Variants in KCNH1 observed in about 807,000 individuals in gnomAD.
The protein encoded by KCNH1 is potassium voltage-gated channel subfamily H member 1, also known as voltage-gated delayed rectifier potassium channel KCNH1.
KCNH1 carries 27 observed loss-of-function variants against 69.2 expected under a neutral mutation model. The observed-to-expected ratio is 0.39, with a 90% CI of 0.29 to 0.54. The LOEUF (loss-of-function observed/expected upper bound fraction) is 0.54. Ranked by LOEUF, KCNH1 falls within the 20% of genes least tolerant of loss-of-function variation. The probability of loss-of-function intolerance (pLI) is 0.68; values close to 1 mark genes in which losing one functional copy is unlikely to be tolerated. For synonymous variants in KCNH1, 456 were observed against 487.7 expected, an observed-to-expected ratio of 0.93 and a Z score of 0.86; for missense variants, 798 against 1,261.6, an observed-to-expected ratio of 0.63 and a Z score of 5.57.
At chr1:210,859,434 T>C in intron 7 of KCNH1, 1 of 1,608,662 alleles carries the variant, frequency 6.2e-7, no homozygotes, top group African/African-American at 1.3e-5. Flanking sequence ...CAGGGTTATC[T>C]TCATCATCAA....
chr1:211,026,936 T>C (rs748556770), intron 5 of KCNH1, among the ~76,000 whole-genome samples: 2 of 152,168 alleles, frequency 1.3e-5, no homozygotes, highest in Non-Finnish European at 2.9e-5. Flanking sequence ...TACCCCAACC[T>C]GGCAAAAGTG....
chr1:210,878,751 C>T, intron 7 of KCNH1, among the ~76,000 whole-genome samples: 1 of 151,638 alleles, frequency 6.6e-6, no homozygotes, highest in East Asian at 1.9e-4. Context: ...AAATTAAATG[C>T]AAAGTAAGCA....
intron 4 of KCNH1, among the ~76,000 whole-genome samples, chr1:211,085,924 T>A (rs997511834): frequency 2.0e-5 from 3 of 152,212 alleles, no homozygotes; most frequent in Non-Finnish European, 2.9e-5. Context: ...ATTTTCCGCA[T>A]GATTCATCAT....
chr1:210,975,358 G>T lies in KCNH1; in HGVS notation c.1032+43425C>A, dbSNP rs558989942. 5.9e-5 allele frequency among the ~76,000 whole-genome samples: 9 copies of T among 152,262 alleles called. No individual in the cohort carries two copies. The South Asian group carries it at 1.7e-3, about 28-fold the overall frequency. On this transcript the variant is annotated intron_variant, in intron 6 of 10. Transcript: ENST00000271751. Reference sequence around the variant, plus strand: ...ACCTGACTTCAAACTATGCTACAAGGCTACAGTAACCAAAACAGCATGGTA... The same window carrying T: ...ACCTGACTTCAAACTATGCTACAAGTCTACAGTAACCAAAACAGCATGGTA...
At chr1:210,700,959 A>C (rs1256531054) in intron 10 of KCNH1, among the ~76,000 whole-genome samples, 3 of 150,744 alleles carry the variant, frequency 2.0e-5, no homozygotes, top group Non-Finnish European at 4.4e-5. Flanking sequence ...ATTTTTTGAG[A>C]TGGAGTTTCG....
chr1:210,797,375 T>C (rs1684336074), intron 9 of KCNH1, 133 bp downstream of exon 9: 2 of 955,438 alleles, frequency 2.1e-6, no homozygotes, highest in Non-Finnish European at 1.6e-6. Context: ...GATTGTTGGA[T>C]AGATAAGTGA....
At chr1:210,859,894 A>G in intron 7 of KCNH1, 1 of 1,271,984 alleles carries the variant, frequency 7.9e-7, no homozygotes, top group South Asian at 1.2e-5. Context: ...GTATTTAGTA[A>G]TAGGTATGCA....
intron 6 of KCNH1, among the ~76,000 whole-genome samples, chr1:210,991,282 A>G (rs1208334850): frequency 2.0e-5 from 3 of 152,184 alleles, no homozygotes; most frequent in Admixed American, 1.3e-4. Context: ...GCGTTTTTTA[A>G]GAAGAAAATC....
At chr1:211,079,986 A>G (rs942464027) in intron 5 of KCNH1, among the ~76,000 whole-genome samples, 1 of 152,230 alleles carries the variant, frequency 6.6e-6, no homozygotes, top group African/African-American at 2.4e-5. Context: ...GGCAAGAGAA[A>G]GAAATAAAAG....
intron 10 of KCNH1, among the ~76,000 whole-genome samples, chr1:210,697,980 A>T (rs570633160): frequency 5.3e-5 from 8 of 152,316 alleles, no homozygotes; most frequent in African/African-American, 1.9e-4. Context: ...ACATGCTATC[A>T]TTGTAGGTAT....
intron 6 of KCNH1, among the ~76,000 whole-genome samples, chr1:210,955,483 T>C (rs1688154350): frequency 6.6e-6 from 1 of 152,218 alleles, no homozygotes; most frequent in African/African-American, 2.4e-5. Context: ...ATCTGTAAAT[T>C]ATCTTGGGCA....
At chr1:211,046,175 A>G (rs1442058255) in intron 5 of KCNH1, among the ~76,000 whole-genome samples, 1 of 152,214 alleles carries the variant, frequency 6.6e-6, no homozygotes, top group Admixed American at 6.5e-5. Context: ...TAATACTGCA[A>G]TGAGCATGGG....
At chr1:210,894,892 T>C (rs1243939523) in intron 7 of KCNH1, among the ~76,000 whole-genome samples, 1 of 152,146 alleles carries the variant, frequency 6.6e-6, no homozygotes, top group African/African-American at 2.4e-5. Context: ...TCTGTTTTAG[T>C]AGCAGAAAAC....
intron 5 of KCNH1, among the ~76,000 whole-genome samples, chr1:211,058,083 AT>A (rs1277469085): frequency 2.0e-5 from 3 of 152,216 alleles, no homozygotes; most frequent in Non-Finnish European, 2.9e-5. Context: ...GAAGGAAAAA[AT>A]TTCTTATCCT....
At chr1:210,735,586 C>T (rs1682858887) in intron 10 of KCNH1, among the ~76,000 whole-genome samples, 1 of 151,958 alleles carries the variant, frequency 6.6e-6, no homozygotes, top group African/African-American at 2.4e-5. Context: ...ATTCCATCTA[C>T]AAAAGTCTGC....
chr1:210,686,926 G>A (rs116365991), intron 10 of KCNH1, among the ~76,000 whole-genome samples: 1 of 152,150 alleles, frequency 6.6e-6, no homozygotes, highest in Non-Finnish European at 1.5e-5. Flanking sequence ...TGTTTGAAGT[G>A]CCTGGTACCT....
chr1:210,807,032 G>A (rs558013941), intron 7 of KCNH1, among the ~76,000 whole-genome samples: 1 of 146,318 alleles, frequency 6.8e-6, no homozygotes, highest in Non-Finnish European at 1.5e-5. Context: ...TTCACAAGAA[G>A]TTGCCAAGAT....
intron 10 of KCNH1, among the ~76,000 whole-genome samples, chr1:210,703,193 G>A (rs1206529475): frequency 1.3e-5 from 2 of 152,192 alleles, no homozygotes; most frequent in East Asian, 3.9e-4. Flanking sequence ...AAGACAAATG[G>A]CAAAATGGGA....
chr1:210,684,676 C>G (rs1405430479), intron 10 of KCNH1, among the ~76,000 whole-genome samples: 1 of 152,224 alleles, frequency 6.6e-6, no homozygotes, highest in Non-Finnish European at 1.5e-5. Flanking sequence ...ATGCCACCCA[C>G]AGATCTGGAC....
Sources: gnomAD v4.1 joint callset for allele counts (sites outside exome capture counted in the v4.1 genomes callset) on GRCh38, gnomAD v4.1.1 for gene constraint, MANE v1.5 for transcripts, NCBI Gene and HGNC (gene_info 2026-07-23, HGNC 2026-07-21) for gene names.